The following TRMT10B variants were observed in gnomAD, a reference collection of about 807,000 sequenced individuals.
TRMT10B encodes the protein tRNA methyltransferase 10 homolog B.
Under a neutral mutation model 43.8 loss-of-function variants are expected in TRMT10B, and 33 were observed. That is an observed-to-expected ratio of 0.75 (90% confidence interval 0.57 to 1.01). TRMT10B has a LOEUF of 1.01. Ranked by LOEUF, TRMT10B falls within the 50% of genes least tolerant of loss-of-function variation. The probability of loss-of-function intolerance (pLI) is 0.00; values close to 1 mark genes in which losing one functional copy is unlikely to be tolerated. For missense variants in TRMT10B, 362 were observed against 369.8 expected (o/e 0.98, Z 0.17); for synonymous variants, 137 against 130.6 (o/e 1.05, Z -0.34).
At chr9:37,758,258 A>G (rs142300664) in intron 1 of TRMT10B, among the ~76,000 whole-genome samples, 2,197 of 152,196 alleles carry the variant, frequency 0.014, 26 homozygotes, top group Middle Eastern at 0.037. Context: ...CTAAAAATAC[A>G]AAAATTAGCT....
chr9:37,756,780 G>A (rs984004835), intron 1 of TRMT10B, among the ~76,000 whole-genome samples: 6 of 149,836 alleles, frequency 4.0e-5, no homozygotes, highest in Non-Finnish European at 8.9e-5. Context: ...ATATACATAT[G>A]TGTATACATA....
rs573751799 is a variant in TRMT10B at position 37,778,772 on chromosome 9, T to G, written c.*1065T>G. On this transcript the variant is annotated 3_prime_UTR_variant, in exon 9 of 9. Coordinates refer to ENST00000297994, the MANE Select transcript of TRMT10B (RefSeq NM_144964.4). ...CTGACCTATCCCTACTGAGTCCCCA[T>G]AGCATTTTGTTCCCTCCTGTGGCTC... 6.6e-6 allele frequency: 1 copy of G among 152,342 alleles called. No homozygotes were observed. The highest frequency in any genetic ancestry group is 1.9e-4 in the East Asian group (1 of 5,188). The allele number at this position is 152,342 out of a possible 1,614,324, so 9.4% of individuals were successfully genotyped here.
Position 37,762,682 on chromosome 9 carries a change from C to G in TRMT10B, c.292C>G (p.Pro98Ala). The G allele has an allele frequency of 6.3e-7, 1 of 1,579,012 alleles. No individual in the cohort carries two copies. Among genetic ancestry groups the G allele is most frequent in the East Asian group, 2.3e-5 (1 of 44,144 alleles). ...ERRKANRAEN[P>A]GICPQHSKRF... Reference sequence around the variant, plus strand: ...AAGAAAAGCCAATCGTGCAGAAAATCCAGGTGACAATAAATGAGACTGTTG... The same window carrying G: ...AAGAAAAGCCAATCGTGCAGAAAATGCAGGTGACAATAAATGAGACTGTTG... The change falls in exon 3 of 9, where the codon CCA becomes GCA. Residue 98 changes from proline (P) to alanine (A), a missense_variant. Coordinates refer to ENST00000297994, the MANE Select transcript of TRMT10B (RefSeq NM_144964.4).
At chr9:37,776,052 G>A (rs138778755) in intron 7 of TRMT10B, among the ~76,000 whole-genome samples, 112 of 152,296 alleles carry the variant, frequency 7.4e-4, no homozygotes, top group African/African-American at 2.4e-3. Context: ...CTGCAGATGT[G>A]CCTCTTTTGC....
intron 4 of TRMT10B, among the ~76,000 whole-genome samples, chr9:37,766,517 C>G (rs1388315743): frequency 2.6e-5 from 4 of 152,158 alleles, no homozygotes; most frequent in Non-Finnish European, 5.9e-5. Context: ...TAGCATGATG[C>G]CTCCAGCTTT....
intron 1 of TRMT10B, among the ~76,000 whole-genome samples, chr9:37,758,928 T>G (rs559226607): frequency 1.3e-4 from 20 of 152,072 alleles, no homozygotes; most frequent in African/African-American, 3.9e-4. Flanking sequence ...ACAGTTGAAT[T>G]TAGGGCTGCT....
chr9:37,777,558 T>C (rs1183583673), intron 8 of TRMT10B, 43 bp from the exon 9 acceptor site: 2 of 1,486,426 alleles, frequency 1.3e-6, no homozygotes, highest in African/African-American at 2.8e-5. Context: ...TCGTTCTTTT[T>C]TTCCCTCTGT....
At chr9:37,777,299 G>GGT (rs1450533397) in intron 8 of TRMT10B, among the ~76,000 whole-genome samples, 2 of 144,870 alleles carry the variant, frequency 1.4e-5, no homozygotes, top group Non-Finnish European at 3.0e-5. Context: ...TGATCTTCAG[G>GGT]GTTCAGTTCA....
chr9:37,754,684 G>A (rs1825421427), intron 1 of TRMT10B, among the ~76,000 whole-genome samples: 1 of 152,168 alleles, frequency 6.6e-6, no homozygotes, highest in Non-Finnish European at 1.5e-5. Context: ...CATGAAAGCA[G>A]AACGAATGTC....
At chr9:37,769,917 CA>C (rs752479801) in intron 5 of TRMT10B, 23 bp from the exon 6 acceptor site, 10 of 1,604,700 alleles carry the variant, frequency 6.2e-6, no homozygotes, top group African/African-American at 1.3e-5. Context: ...GCTGTTTTAA[CA>C]TCAGACTGTT....
intron 1 of TRMT10B, among the ~76,000 whole-genome samples, chr9:37,754,644 A>AT (rs760705397): frequency 1.3e-5 from 2 of 152,178 alleles, no homozygotes; most frequent in Non-Finnish European, 2.9e-5. Flanking sequence ...GACAGCTGTC[A>AT]TGCAAGGCAG....
intron 1 of TRMT10B, among the ~76,000 whole-genome samples, chr9:37,759,718 G>C (rs1826123289): frequency 6.6e-6 from 1 of 152,192 alleles, no homozygotes; most frequent in Admixed American, 6.5e-5. Context: ...TTAAGAGGCT[G>C]AGATGGGAGA....
chr9:37,762,887 C>T (rs1038373973), intron 3 of TRMT10B, among the ~76,000 whole-genome samples: 4 of 148,866 alleles, frequency 2.7e-5, no homozygotes, highest in African/African-American at 7.5e-5. Context: ...AATCCCAGCA[C>T]TTTGGGAGGC....
chr9:37,770,636 C>A (rs774967450), intron 6 of TRMT10B, 36 bp from the exon 7 acceptor site: 57 of 1,558,900 alleles, frequency 3.7e-5, no homozygotes, highest in Middle Eastern at 3.8e-4. Context: ...AATTATAAAA[C>A]AGATTTGATC....
At chr9:37,774,299 G>A (rs941853560) in intron 7 of TRMT10B, among the ~76,000 whole-genome samples, 1 of 152,212 alleles carries the variant, frequency 6.6e-6, no homozygotes, top group Non-Finnish European at 1.5e-5. Context: ...ACGGTGCCTG[G>A]CCAACAGTCC....
At chr9:37,776,076 G>T (rs1332532382) in intron 7 of TRMT10B, among the ~76,000 whole-genome samples, 3 of 152,050 alleles carry the variant, frequency 2.0e-5, no homozygotes, top group Non-Finnish European at 4.4e-5. Context: ...TTTCCCTCTT[G>T]GTTCTAAGTG....
chr9:37,777,236 T>C (rs949408042), intron 8 of TRMT10B, among the ~76,000 whole-genome samples: 2 of 103,002 alleles, frequency 1.9e-5, no homozygotes, highest in Non-Finnish European at 3.9e-5. Flanking sequence ...AAAAAAATTG[T>C]CCCCTTCATC....
chr9:37,753,613 C>T (rs778970497), upstream of TRMT10B, among the ~76,000 whole-genome samples: 6 of 152,260 alleles, frequency 3.9e-5, no homozygotes, highest in African/African-American at 1.2e-4. Flanking sequence ...GTCCAGCAGA[C>T]GGGGAGACAG....
At position 37,762,059 on chromosome 9, in the gene TRMT10B, C is replaced by A; in HGVS notation, c.128C>A (p.Ala43Glu). The A allele has an allele frequency of 6.2e-7, 1 of 1,614,032 alleles. No homozygotes were observed. The highest frequency in any genetic ancestry group is 8.5e-7 in the Non-Finnish European group (1 of 1,179,992). Residue 43 changes from alanine to glutamate, a missense_variant, in exon 2 of 9, where the codon GCG (alanine) becomes GAG (glutamate). Physicochemically the swap from Ala to Glu is moderately radical, Grantham distance 107. Transcript: ENST00000297994. ...GGCTTCCAGCTTCTGCAGATCGATG[C>A]GGAAGGCGAGTGCCAGGAGGGAGAG... is the stretch of plus-strand genomic sequence containing the variant. ...PEGFQLLQID[A>E]EGECQEGEIL...
Sources: allele counts gnomAD v4.1 joint callset (sites outside exome capture counted in the v4.1 genomes callset), GRCh38; gene constraint gnomAD v4.1.1; transcripts MANE v1.5; gene names NCBI Gene and HGNC (gene_info 2026-07-23, HGNC 2026-07-21).